EPB41: variants seen among roughly 807,000 people sequenced by gnomAD.
EPB41 encodes the protein erythrocyte membrane protein band 4.1, also known as protein 4.1.
Under a neutral mutation model 108.0 loss-of-function variants are expected in EPB41, and 65 were observed. The observed-to-expected ratio is 0.60, with a 90% CI of 0.49 to 0.74. The LOEUF is 0.74. EPB41 is among the 30% of genes least tolerant of loss of function. EPB41 has a pLI of 0.00. For synonymous variants in EPB41, 336 were observed against 358.9 expected (o/e 0.94, Z 0.72); for missense variants, 875 against 1,037.0 (o/e 0.84, Z 2.15).
intron 1 of EPB41, among the ~76,000 whole-genome samples, chr1:28,937,085 T>TA (rs923851208): frequency 1.3e-5 from 2 of 151,714 alleles, no homozygotes; most frequent in African/African-American, 4.8e-5. Context: ...TTTTCCTTTG[T>TA]AAAAAAAAAT....
At chr1:28,993,569 C>T in intron 3 of EPB41, 27 bp downstream of exon 3, 1 of 1,606,522 alleles carries the variant, frequency 6.2e-7, no homozygotes, top group Non-Finnish European at 8.5e-7. Flanking sequence ...TTCCAACAAT[C>T]AGAACTCTTA....
At chr1:29,001,059 T>C (rs1017195462) in intron 4 of EPB41, among the ~76,000 whole-genome samples, 1 of 152,134 alleles carries the variant, frequency 6.6e-6, no homozygotes, top group Non-Finnish European at 1.5e-5. Context: ...GTCTCTTGGC[T>C]GGGTGTGGTG....
intron 17 of EPB41, 111 bp from the exon 18 acceptor site, chr1:29,109,225 G>A: frequency 1.2e-6 from 1 of 829,558 alleles, no homozygotes; most frequent in Non-Finnish European, 2.1e-6. Context: ...GTCATTCTAA[G>A]GGAATGAGAT....
intron 1 of EPB41, among the ~76,000 whole-genome samples, chr1:28,985,051 G>A (rs191326828): frequency 2.2e-3 from 338 of 151,906 alleles, no homozygotes; most frequent in Admixed American, 7.2e-3. Context: ...CACAACCTCC[G>A]CCTCCCAGTT....
intron 4 of EPB41, among the ~76,000 whole-genome samples, chr1:29,007,425 G>C (rs1040932163): frequency 6.6e-6 from 1 of 152,176 alleles, no homozygotes; most frequent in African/African-American, 2.4e-5. Flanking sequence ...ACGGATTTTA[G>C]AGAAGGCATA....
chr1:29,094,270 A>C (rs1053593727), intron 16 of EPB41, among the ~76,000 whole-genome samples: 11 of 150,302 alleles, frequency 7.3e-5, no homozygotes, highest in Admixed American at 1.3e-4. Context: ...TTGTTTTCTT[A>C]TTTTTTTTCT....
intron 1 of EPB41, among the ~76,000 whole-genome samples, chr1:28,984,505 T>C (rs2095828979): frequency 6.6e-6 from 1 of 152,226 alleles, no homozygotes; most frequent in Admixed American, 6.5e-5. Flanking sequence ...GTAGCATCAG[T>C]CCTGTGCTAG....
intron 4 of EPB41, among the ~76,000 whole-genome samples, chr1:29,007,925 G>T (rs1052866292): frequency 6.6e-6 from 1 of 152,070 alleles, no homozygotes; most frequent in Non-Finnish European, 1.5e-5. Context: ...ATGTATATCT[G>T]GTCCAAATTT....
At chr1:28,969,429 A>T (rs1033528016) in intron 1 of EPB41, among the ~76,000 whole-genome samples, 15 of 151,866 alleles carry the variant, frequency 9.9e-5, no homozygotes, top group Non-Finnish European at 1.5e-4. Context: ...TATTTGTAGT[A>T]AGCTTACGTG....
chr1:29,070,520 C>G, intron 16 of EPB41: 2 of 1,232,150 alleles, frequency 1.6e-6, no homozygotes, highest in Non-Finnish European at 2.0e-6. Context: ...AAAGTGCCAC[C>G]TCTACTTTAG....
chr1:29,015,641 A>G (rs1245048699), intron 5 of EPB41, 51 bp from the exon 6 acceptor site: 1 of 1,113,396 alleles, frequency 9.0e-7, no homozygotes, highest in Admixed American at 1.8e-5. Context: ...TACTTCCAAC[A>G]ATTAGAAACT....
chr1:29,100,011 C>T (rs1169225084), intron 17 of EPB41, among the ~76,000 whole-genome samples: 2 of 152,178 alleles, frequency 1.3e-5, no homozygotes, highest in Non-Finnish European at 2.9e-5. Context: ...GAATTCCTCT[C>T]TGAGGAGGTG....
At chr1:28,957,367 A>T (rs2094998252) in intron 1 of EPB41, among the ~76,000 whole-genome samples, 1 of 152,248 alleles carries the variant, frequency 6.6e-6, no homozygotes, top group Admixed American at 6.5e-5. Flanking sequence ...ATAAAAAAGG[A>T]AAGGAAAAAG....
chr1:28,992,513 C>G (rs1299585286), intron 2 of EPB41, among the ~76,000 whole-genome samples: 1 of 152,076 alleles, frequency 6.6e-6, no homozygotes, highest in Non-Finnish European at 1.5e-5. Flanking sequence ...GTGGTGAAAC[C>G]CCATCTCTAC....
intron 1 of EPB41, among the ~76,000 whole-genome samples, chr1:28,899,494 C>T (rs372142519): frequency 1.3e-3 from 191 of 152,298 alleles, no homozygotes; most frequent in African/African-American, 4.4e-3. Flanking sequence ...CTTTTGCAGC[C>T]TCCGATGATG....
rs1274092457 is a variant in EPB41, at chr1:29,095,399, AC to A, written c.2185-2407del. 2.6e-5 allele frequency among the ~76,000 whole-genome samples: 4 copies of A among 152,234 alleles called. No individual in the cohort carries two copies. The East Asian group carries it at 7.7e-4, about 29-fold the overall frequency. ...GATGTACTCAACTTCTGTCTCCCTG[AC>A]AACTAGTCTAGATTTTAGCTTCTCC... On this transcript the variant is annotated intron_variant, in intron 16 of 20. Transcript: ENST00000343067.
chr1:28,979,432 A>G (rs1213613158), intron 1 of EPB41, among the ~76,000 whole-genome samples: 1 of 151,544 alleles, frequency 6.6e-6, no homozygotes, highest in Non-Finnish European at 1.5e-5. Context: ...GTGTACGACT[A>G]CTGCCCCTTC....
At chr1:28,893,028 C>T (rs1326690455) in intron 1 of EPB41, among the ~76,000 whole-genome samples, 2 of 152,042 alleles carry the variant, frequency 1.3e-5, no homozygotes, top group African/African-American at 4.8e-5. Context: ...TCTCAAACTC[C>T]TGGCTTCAAG....
intron 16 of EPB41, among the ~76,000 whole-genome samples, chr1:29,091,118 G>A (rs1661030212): frequency 6.6e-6 from 1 of 152,172 alleles, no homozygotes; most frequent in African/African-American, 2.4e-5. Context: ...TAACTCAGCA[G>A]TAGGCAAGTT....
Sources: gnomAD v4.1 joint callset for allele counts (sites outside exome capture counted in the v4.1 genomes callset) on GRCh38, gnomAD v4.1.1 for gene constraint, MANE v1.5 for transcripts, NCBI Gene and HGNC (gene_info 2026-07-23, HGNC 2026-07-21) for gene names.